TRAK2: variants seen among roughly 807,000 people sequenced by gnomAD.
TRAK2 encodes trafficking kinesin protein 2.
In TRAK2, 81 loss-of-function variants were observed where a neutral mutation model predicts 104.6. The observed-to-expected ratio is 0.77, with a 90% CI of 0.65 to 0.93. The LOEUF is 0.93. Among genes scored for constraint, TRAK2 ranks in the 40% least tolerant of loss-of-function variants. The pLI is 0.00. For synonymous variants in TRAK2, 406 were observed against 394.4 expected (o/e 1.03, Z -0.35); for missense variants, 1,002 against 1,089.0 (o/e 0.92, Z 1.12).
chr2:201,397,484 GAATAT>G lies in TRAK2; in HGVS notation c.769+13_769+17del. The G allele has an allele frequency of 6.3e-7, 1 of 1,590,974 alleles. No homozygotes were observed. The highest frequency in any genetic ancestry group is 8.6e-7 in the Non-Finnish European group (1 of 1,163,122). ...GAATTGTCCAAAAAGGTACAAAAGA[GAATAT>G]GTTAATACTCACGAAGTTCTTTAAC... is the stretch of plus-strand genomic sequence containing the variant. On this transcript the variant is annotated intron_variant, in intron 7 of 15. Coordinates refer to ENST00000332624, the MANE Select transcript of TRAK2 (RefSeq NM_015049.3).
rs1951305663 is a variant in TRAK2, at chr2:201,378,165, T to TA, written c.*2377dup. ...GAGACATTACACAACAGTATACACTTAAGGTGTTTCTGGTGGAACATCAAC... is the reference window on the plus strand; with the variant it reads ...GAGACATTACACAACAGTATACACTTAAAGGTGTTTCTGGTGGAACATCAAC... On this transcript the variant is annotated 3_prime_UTR_variant, in exon 16 of 16. Transcript: ENST00000332624. 6.6e-6 allele frequency: 1 copy of TA among 152,166 alleles called. No individual in the cohort carries two copies. The highest frequency in any genetic ancestry group is 1.5e-5 in the Non-Finnish European group (1 of 68,030). The allele number at this position is 152,166 out of a possible 1,614,324, so 9.4% of individuals were successfully genotyped here.
At chr2:201,410,947 T>C in intron 2 of TRAK2, 2 of 1,570,230 alleles carry the variant, frequency 1.3e-6, no homozygotes, top group Admixed American at 1.7e-5. Flanking sequence ...CTTGGACTAC[T>C]GTAGAAGTTC....
At chr2:201,435,433 A>G (rs1483583033) in intron 1 of TRAK2, among the ~76,000 whole-genome samples, 7 of 152,244 alleles carry the variant, frequency 4.6e-5, no homozygotes, top group Non-Finnish European at 8.8e-5. Context: ...TAAGTGAGCA[A>G]TATCTTCTCT....
At chr2:201,445,294 C>T (rs185172344) in intron 1 of TRAK2, among the ~76,000 whole-genome samples, 2 of 152,234 alleles carry the variant, frequency 1.3e-5, no homozygotes, top group East Asian at 1.9e-4. Flanking sequence ...CCTCAATTAA[C>T]AACTGGTCAA....
Position 201,432,329 on chromosome 2 carries a change from T to A in TRAK2, c.-199-11623A>T, listed in dbSNP as rs574989704. Among the ~76,000 whole-genome samples, 4 of 152,346 alleles carry A rather than the reference T, an allele frequency of 2.6e-5. No individual in the cohort carries two copies. In the South Asian group the frequency reaches 8.3e-4, roughly 32 times the overall value. On this transcript the variant is annotated intron_variant, in intron 1 of 15. Coordinates refer to ENST00000332624, the MANE Select transcript of TRAK2 (RefSeq NM_015049.3). ...ACAAATGACACATTTTCAGTGCCTT[T>A]CCTAGTCTGTGCACACGTATTCTGT... is the stretch of plus-strand genomic sequence containing the variant.
rs184349236 is a variant in TRAK2 at position 201,390,490 on chromosome 2, G to A, written c.1114-610C>T. Among the ~76,000 whole-genome samples the A allele has an allele frequency of 2.0e-5, 3 of 150,506 alleles. No individual in the cohort carries two copies. The East Asian group carries it at 5.8e-4, about 29-fold the overall frequency. On this transcript the variant is annotated intron_variant, in intron 10 of 15. Transcript: ENST00000332624. The stretch of plus-strand genomic sequence containing the variant: ...GAGGCAGGAGAATGACGTGAACCCG[G>A]GAGGCAGAGCTTTCAGTGAGCTGAG...
At chr2:201,405,193 T>C (rs1234533246) in intron 3 of TRAK2, among the ~76,000 whole-genome samples, 1 of 152,194 alleles carries the variant, frequency 6.6e-6, no homozygotes, top group East Asian at 1.9e-4. Flanking sequence ...CTAACCTCTA[T>C]GACTGGGTTT....
chr2:201,442,460 A>C (rs953852418), intron 1 of TRAK2, among the ~76,000 whole-genome samples: 2 of 152,150 alleles, frequency 1.3e-5, no homozygotes, highest in Non-Finnish European at 2.9e-5. Context: ...ACTTTACAAA[A>C]ATGATGAATT....
At position 201,447,030 on chromosome 2, in the gene TRAK2, C is replaced by T. The variant is rs1258492745; in HGVS notation, c.-200+4320G>A. Reference sequence around the variant, plus strand: ...TGTTTTAGTTAGACATTTCAATATTCTGGGAAAACTGTTAGTTCAGCATCC... The same window carrying T: ...TGTTTTAGTTAGACATTTCAATATTTTGGGAAAACTGTTAGTTCAGCATCC... On this transcript the variant is annotated intron_variant, in intron 1 of 15. Coordinates refer to ENST00000332624, the MANE Select transcript of TRAK2 (RefSeq NM_015049.3). The surrounding 1 kb of genome is among the most constrained non-coding windows in gnomAD (Gnocchi z 4.1). Among the ~76,000 whole-genome samples the T allele has an allele frequency of 6.6e-6, 1 of 152,172 alleles. No homozygotes were observed. Among genetic ancestry groups the T allele is most frequent in the African/African-American group, 2.4e-5 (1 of 41,428 alleles).
chr2:201,424,471 T>C (rs1055792783), intron 1 of TRAK2, among the ~76,000 whole-genome samples: 1 of 152,202 alleles, frequency 6.6e-6, no homozygotes, highest in Non-Finnish European at 1.5e-5. Flanking sequence ...CAGCAAATCA[T>C]GCACTCGTTT....
chr2:201,389,617 G>C, intron 11 of TRAK2, 114 bp from the exon 12 acceptor site: 2 of 1,118,614 alleles, frequency 1.8e-6, no homozygotes, highest in South Asian at 2.9e-5. Context: ...CTATTTAGGA[G>C]AAATCATCAG....
chr2:201,400,842 T>A (rs1951544459), intron 4 of TRAK2, among the ~76,000 whole-genome samples, 176 bp downstream of exon 4: 1 of 152,068 alleles, frequency 6.6e-6, no homozygotes, highest in Non-Finnish European at 1.5e-5. Context: ...AGCATTACAA[T>A]AATAAACTTT....
intron 2 of TRAK2, among the ~76,000 whole-genome samples, chr2:201,407,894 C>T (rs1307523908): frequency 2.6e-5 from 4 of 151,874 alleles, no homozygotes; most frequent in Non-Finnish European, 5.9e-5. Flanking sequence ...TTATGGGGTA[C>T]ATGTGATATT....
chr2:201,380,458 C>T lies in TRAK2; in HGVS notation c.*85G>A. On this transcript the variant is annotated 3_prime_UTR_variant, in exon 16 of 16. Coordinates refer to ENST00000332624, the MANE Select transcript of TRAK2 (RefSeq NM_015049.3). ...AACCCTTGTGCAACATTCCTTTTCTCTCAAGTCAGACCAGACCACATGTTT... is the reference window on the plus strand; with the variant it reads ...AACCCTTGTGCAACATTCCTTTTCTTTCAAGTCAGACCAGACCACATGTTT... 4.4e-6 allele frequency: 6 copies of T among 1,353,272 alleles called. No individual in the cohort carries two copies. Among genetic ancestry groups the T allele is most frequent in the Middle Eastern group, 2.2e-4 (1 of 4,538 alleles). 83.8% of individuals were successfully genotyped at this position (1,353,272 alleles called of 1,614,324 possible).
rs2125651708 is a variant in TRAK2, at chr2:201,412,951, T to C, written c.92-5354A>G. On this transcript the variant is annotated intron_variant, in intron 2 of 15. Transcript: ENST00000332624. ...AACACTGGCTAAACTGGCAAAAAAC[T>C]GGTTCTGTACACAACACCAAGCAAT... 4 of 775,718 alleles carry C rather than the reference T, an allele frequency of 5.2e-6. No homozygotes were observed. In the East Asian group the frequency reaches 9.7e-5, roughly 19 times the overall value. The allele number at this position is 775,718 out of a possible 1,614,324, so 48.1% of individuals were successfully genotyped here.
intron 15 of TRAK2, among the ~76,000 whole-genome samples, chr2:201,382,497 T>C (rs1357063847): frequency 1.0e-5 from 1 of 98,426 alleles, no homozygotes; most frequent in Non-Finnish European, 2.7e-5. Context: ...GAACAGTCTA[T>C]ATATTGTATT....
At chr2:201,431,375 C>T (rs576538539) in intron 1 of TRAK2, among the ~76,000 whole-genome samples, 169 of 152,280 alleles carry the variant, frequency 1.1e-3, no homozygotes, top group Non-Finnish European at 2.1e-3. Flanking sequence ...GGACCAAAAG[C>T]AAGGTGTTAG....
intron 1 of TRAK2, among the ~76,000 whole-genome samples, chr2:201,435,480 A>G (rs1576536807): frequency 6.6e-6 from 1 of 152,374 alleles, no homozygotes; most frequent in East Asian, 1.9e-4. Flanking sequence ...AGGCTATATA[A>G]TAATATTCAC....
intron 1 of TRAK2, among the ~76,000 whole-genome samples, chr2:201,441,590 C>T (rs1951923552): frequency 6.6e-6 from 1 of 151,826 alleles, no homozygotes; most frequent in South Asian, 2.1e-4. Flanking sequence ...AAATTACATG[C>T]TTTGGGAACA....
Sources: gnomAD v4.1 joint callset for allele counts (sites outside exome capture counted in the v4.1 genomes callset) on GRCh38, gnomAD v4.1.1 for gene constraint, Gnocchi (gnomAD v3.1) non-coding constraint, MANE v1.5 for transcripts, NCBI Gene and HGNC (gene_info 2026-07-23, HGNC 2026-07-21) for gene names.